The following KCNQ5 variants were observed in gnomAD, a reference collection of about 807,000 sequenced individuals.
KCNQ5 encodes potassium voltage-gated channel subfamily KQT member 5.
Under a neutral mutation model 98.2 loss-of-function variants are expected in KCNQ5, and 30 were observed. The observed-to-expected ratio is 0.31, with a 90% CI of 0.23 to 0.41. The LOEUF (loss-of-function observed/expected upper bound fraction) is 0.41. Ranked by LOEUF, KCNQ5 falls within the 10% of genes least tolerant of loss-of-function variation. KCNQ5 has a pLI of 1.00. For synonymous variants in KCNQ5, 458 were observed against 449.4 expected, an observed-to-expected ratio of 1.02 and a Z score of -0.24; for missense variants, 835 against 1,182.5, an observed-to-expected ratio of 0.71 and a Z score of 4.31.
intron 2 of KCNQ5, among the ~76,000 whole-genome samples, chr6:73,024,057 C>T (rs1770743086): frequency 6.6e-6 from 1 of 152,148 alleles, no homozygotes; most frequent in South Asian, 2.1e-4. Flanking sequence ...AATTCTCTTT[C>T]CAATAATTAC....
intron 3 of KCNQ5, among the ~76,000 whole-genome samples, chr6:73,074,705 G>A (rs1328663206): frequency 6.6e-6 from 1 of 150,584 alleles, no homozygotes; most frequent in Non-Finnish European, 1.5e-5. Context: ...GGATCTGTGG[G>A]ATACCTAACA....
chr6:72,754,153 T>G (rs1771835560), intron 1 of KCNQ5, among the ~76,000 whole-genome samples: 1 of 152,266 alleles, frequency 6.6e-6, no homozygotes, highest in Middle Eastern at 3.4e-3. Flanking sequence ...ATGTTACTTA[T>G]AGGTTAACTT....
At chr6:72,950,554 C>A (rs1434510573) in intron 1 of KCNQ5, among the ~76,000 whole-genome samples, 1 of 152,240 alleles carries the variant, frequency 6.6e-6, no homozygotes, top group Non-Finnish European at 1.5e-5. Context: ...AGCTGTCTCA[C>A]TTCCTCCAGT....
chr6:73,043,846 C>T (rs1771831841), intron 3 of KCNQ5, among the ~76,000 whole-genome samples: 1 of 152,190 alleles, frequency 6.6e-6, no homozygotes, highest in Non-Finnish European at 1.5e-5. Context: ...TTTTCAGCTA[C>T]GGATACATCA....
chr6:73,061,662 G>A (rs1772787889), intron 3 of KCNQ5, among the ~76,000 whole-genome samples: 1 of 152,056 alleles, frequency 6.6e-6, no homozygotes. Context: ...TGTTCTAAAA[G>A]GTGCTTTATT....
At chr6:73,043,499 T>C (rs983334347) in intron 3 of KCNQ5, among the ~76,000 whole-genome samples, 1 of 152,182 alleles carries the variant, frequency 6.6e-6, no homozygotes, top group Non-Finnish European at 1.5e-5. Context: ...AGGCATTAGA[T>C]TTTTCTCCCT....
intron 1 of KCNQ5, among the ~76,000 whole-genome samples, chr6:72,975,256 CA>C (rs915532124): frequency 1.3e-5 from 2 of 148,986 alleles, no homozygotes; most frequent in Non-Finnish European, 3.0e-5. Flanking sequence ...TTTTTGGTCA[CA>C]AAAAAAAGCT....
chr6:73,161,913 TTTTA>T (rs1306892442), intron 10 of KCNQ5, among the ~76,000 whole-genome samples: 1 of 151,946 alleles, frequency 6.6e-6, no homozygotes. Context: ...TTTATTTTAT[TTTTA>T]TTTATTTATT....
At chr6:72,880,507 G>C (rs1778596690) in intron 1 of KCNQ5, among the ~76,000 whole-genome samples, 1 of 152,106 alleles carries the variant, frequency 6.6e-6, no homozygotes, top group Non-Finnish European at 1.5e-5. Flanking sequence ...AATTTGAAGG[G>C]GACACAATTA....
At chr6:73,064,205 T>C (rs530163016) in intron 3 of KCNQ5, among the ~76,000 whole-genome samples, 2 of 152,322 alleles carry the variant, frequency 1.3e-5, no homozygotes, top group East Asian at 1.9e-4. Flanking sequence ...TCATAATCTG[T>C]ATGTCATCTG....
rs541893300 is a variant in KCNQ5 at position 73,026,105 on chromosome 6, G to A, written c.490-15831G>A. Among the ~76,000 whole-genome samples the A allele has an allele frequency of 2.6e-5, 4 of 152,310 alleles. No homozygotes were observed. The South Asian group carries it at 8.3e-4, about 32-fold the overall frequency. On this transcript the variant is annotated intron_variant, in intron 2 of 13. Coordinates refer to ENST00000370398, the MANE Select transcript of KCNQ5 (RefSeq NM_019842.4). ...TCCTCGGATCATCTCCAGGTGCCCA[G>A]TTCCTTTCAGAAGGATCTTCTGTCT... is the stretch of plus-strand genomic sequence containing the variant.
chr6:73,086,098 T>C (rs1018189544), intron 5 of KCNQ5, among the ~76,000 whole-genome samples: 7 of 152,188 alleles, frequency 4.6e-5, no homozygotes, highest in African/African-American at 1.7e-4. Flanking sequence ...ATACTGCTGA[T>C]GACATTAGAT....
intron 1 of KCNQ5, among the ~76,000 whole-genome samples, chr6:72,733,481 C>G (rs563671395): frequency 6.6e-6 from 1 of 152,182 alleles, no homozygotes; most frequent in African/African-American, 2.4e-5. Flanking sequence ...TACTTTCAAG[C>G]AGTGATGCTC....
At chr6:72,754,467 C>T (rs1429938939) in intron 1 of KCNQ5, among the ~76,000 whole-genome samples, 1 of 152,036 alleles carries the variant, frequency 6.6e-6, no homozygotes, top group Non-Finnish European at 1.5e-5. Context: ...GACAGTTTTG[C>T]TCCCCAAACG....
At chr6:73,131,083 T>C (rs9293921) in intron 9 of KCNQ5, among the ~76,000 whole-genome samples, 145,764 of 152,166 alleles carry the variant, frequency 0.96, 69,811 homozygotes, top group South Asian at 0.99. Context: ...GAGAATATTA[T>C]TCACATTTTC....
At chr6:72,715,248 G>A (rs931741143) in intron 1 of KCNQ5, among the ~76,000 whole-genome samples, 1 of 152,150 alleles carries the variant, frequency 6.6e-6, no homozygotes, top group Non-Finnish European at 1.5e-5. Flanking sequence ...TCCAGTCCCT[G>A]TACCTGCTGG....
chr6:72,641,507 A>AG (rs1285192873), intron 1 of KCNQ5, among the ~76,000 whole-genome samples: 1 of 152,120 alleles, frequency 6.6e-6, no homozygotes, highest in African/African-American at 2.4e-5. Context: ...AGACGTAAGT[A>AG]GGAGCAGCTG....
At chr6:72,634,180 T>A (rs2098922677) in intron 1 of KCNQ5, among the ~76,000 whole-genome samples, 1 of 152,212 alleles carries the variant, frequency 6.6e-6, no homozygotes, top group South Asian at 2.1e-4. Context: ...AAATAGTGTA[T>A]GCACAATAAA....
chr6:73,041,438 G>GA (rs1771697849), intron 2 of KCNQ5, among the ~76,000 whole-genome samples: 1 of 152,136 alleles, frequency 6.6e-6, no homozygotes, highest in Non-Finnish European at 1.5e-5. Flanking sequence ...ACACTGTAAC[G>GA]AAAGAATTCA....
Sources: gnomAD v4.1 joint callset for allele counts (sites outside exome capture counted in the v4.1 genomes callset) on GRCh38, gnomAD v4.1.1 for gene constraint, MANE v1.5 for transcripts, NCBI Gene and HGNC (gene_info 2026-07-23, HGNC 2026-07-21) for gene names.